BMP6: variants seen among roughly 807,000 people sequenced by gnomAD.
BMP6 encodes bone morphogenetic protein 6.
BMP6 carries 17 observed loss-of-function variants against 54.1 expected under a neutral mutation model. The observed-to-expected ratio is 0.31, with a 90% CI of 0.22 to 0.47. The LOEUF is 0.47. Among genes scored for constraint, BMP6 ranks in the 20% least tolerant of loss-of-function variants. The pLI, the probability that BMP6 is intolerant of heterozygous loss-of-function variation, is 1.00. For missense variants in BMP6, 720 were observed against 690.4 expected, an observed-to-expected ratio of 1.04 and a Z score of -0.48; for synonymous variants, 328 against 291.2, an observed-to-expected ratio of 1.13 and a Z score of -1.28.
intron 4 of BMP6, among the ~76,000 whole-genome samples, chr6:7,863,680 G>T (rs893433387): frequency 7.3e-4 from 111 of 152,180 alleles, no homozygotes; most frequent in African/African-American, 2.6e-3. Context: ...GCAAGAGAGA[G>T]AAACCAGCTC....
intron 1 of BMP6, among the ~76,000 whole-genome samples, chr6:7,772,020 C>G (rs1293348580): frequency 2.6e-5 from 4 of 151,028 alleles, no homozygotes; most frequent in African/African-American, 9.7e-5. Flanking sequence ...TGCGATTGCA[C>G]TCCAGCCTGG....
chr6:7,826,291 T>G (rs1581265108), intron 1 of BMP6, among the ~76,000 whole-genome samples: 1 of 152,206 alleles, frequency 6.6e-6, no homozygotes, highest in Non-Finnish European at 1.5e-5. Flanking sequence ...TCACGTTCAC[T>G]TTCTCCTGTT....
intron 1 of BMP6, among the ~76,000 whole-genome samples, chr6:7,777,121 G>T (rs1430248850): frequency 6.6e-6 from 1 of 152,202 alleles, no homozygotes; most frequent in Non-Finnish European, 1.5e-5. Context: ...GAGTTCATAT[G>T]CCATGATCTA....
At chr6:7,754,804 G>A (rs1757486837) in intron 1 of BMP6, among the ~76,000 whole-genome samples, 1 of 151,910 alleles carries the variant, frequency 6.6e-6, no homozygotes, top group Non-Finnish European at 1.5e-5. Flanking sequence ...TGCAAGCTCC[G>A]CCCCCCAGGT....
At chr6:7,810,124 T>A (rs1221103588) in intron 1 of BMP6, among the ~76,000 whole-genome samples, 1 of 152,128 alleles carries the variant, frequency 6.6e-6, no homozygotes, top group Non-Finnish European at 1.5e-5. Flanking sequence ...ATGGGGAAAA[T>A]TTTTTAAAGT....
intron 1 of BMP6, among the ~76,000 whole-genome samples, chr6:7,758,834 C>G (rs1757565144): frequency 6.6e-6 from 1 of 152,206 alleles, no homozygotes; most frequent in South Asian, 2.1e-4. Context: ...GAGGTGCAGC[C>G]ACTGTCCCCT....
At chr6:7,857,752 T>C (rs889199544) in intron 2 of BMP6, among the ~76,000 whole-genome samples, 4 of 152,190 alleles carry the variant, frequency 2.6e-5, no homozygotes, top group Non-Finnish European at 5.9e-5. Context: ...CATTAGTACA[T>C]GTGGGTCAGA....
chr6:7,758,161 C>A (rs745632120), intron 1 of BMP6, among the ~76,000 whole-genome samples: 1 of 152,174 alleles, frequency 6.6e-6, no homozygotes, highest in Non-Finnish European at 1.5e-5. Flanking sequence ...TTTCCGCAAA[C>A]GTTTTGCATA....
intron 1 of BMP6, among the ~76,000 whole-genome samples, chr6:7,770,897 C>T (rs1209057152): frequency 1.3e-5 from 2 of 152,218 alleles, no homozygotes; most frequent in African/African-American, 2.4e-5. Context: ...GAATCCATCT[C>T]TGTAGGTGGG....
At chr6:7,820,730 C>T (rs1430349454) in intron 1 of BMP6, among the ~76,000 whole-genome samples, 6 of 152,150 alleles carry the variant, frequency 3.9e-5, no homozygotes, top group East Asian at 1.9e-4. Context: ...TCCCCTAGCA[C>T]GTGTGTCTTA....
intron 1 of BMP6, among the ~76,000 whole-genome samples, chr6:7,844,496 G>A (rs567698504): frequency 1.3e-5 from 2 of 152,168 alleles, no homozygotes; most frequent in East Asian, 1.9e-4. Flanking sequence ...GCTCAGAGTC[G>A]TGGAGCCTTC....
At chr6:7,810,448 C>T (rs1430690401) in intron 1 of BMP6, among the ~76,000 whole-genome samples, 1 of 152,180 alleles carries the variant, frequency 6.6e-6, no homozygotes, top group Non-Finnish European at 1.5e-5. Flanking sequence ...ATCCCGGCAG[C>T]CATGGTCGGT....
chr6:7,879,939 AGTGT>A (rs1759686359), intron 5 of BMP6, 48 bp from the exon 6 acceptor site: 40 of 1,532,022 alleles, frequency 2.6e-5, no homozygotes, highest in Middle Eastern at 1.7e-4. Context: ...AAGCACAAAT[AGTGT>A]GAGAAGTGCA....
At chr6:7,859,441 T>TTCCCAC (rs1258190271) in intron 2 of BMP6, among the ~76,000 whole-genome samples, 1 of 152,068 alleles carries the variant, frequency 6.6e-6, no homozygotes, top group Non-Finnish European at 1.5e-5. Flanking sequence ...ACCCCCGAGA[T>TTCCCAC]TCCCACTGGG....
At chr6:7,808,799 A>G (rs1487760479) in intron 1 of BMP6, among the ~76,000 whole-genome samples, 1 of 151,496 alleles carries the variant, frequency 6.6e-6, no homozygotes, top group Admixed American at 6.6e-5. Context: ...TTGTGATCCT[A>G]GCTACTCAGG....
At chr6:7,817,648 C>T (rs9502652) in intron 1 of BMP6, among the ~76,000 whole-genome samples, 1 of 151,692 alleles carries the variant, frequency 6.6e-6, no homozygotes, top group South Asian at 2.1e-4. Flanking sequence ...GGGTGCAGCA[C>T]ACCAACATGG....
chr6:7,860,366 T>C (rs2113275146), intron 2 of BMP6, among the ~76,000 whole-genome samples: 1 of 152,328 alleles, frequency 6.6e-6, no homozygotes, highest in East Asian at 1.9e-4. Context: ...TTTGAGTCTT[T>C]CCATGGCCAA....
rs373022555 is a variant in BMP6 at position 7,845,327 on chromosome 6, G to C, written c.852G>C (p.Gln284His). The C allele has an allele frequency of 3.7e-6, 6 of 1,613,502 alleles. No homozygotes were observed. In the African/African-American group the frequency reaches 6.7e-5, roughly 18 times the overall value. ...TTTATCAAGTCTTACAGGAGCATCA[G>C]CACAGGTATGAAGGCTCGAGAAAGC... is the stretch of plus-strand genomic sequence containing the variant. ...ISIYQVLQEH[Q>H]HRDSDLFLLD... Residue 284 changes from glutamine to histidine, a missense_variant, in exon 2 of 7, where the codon CAG becomes CAC. Physicochemically the swap from Gln to His is conservative, Grantham distance 24. Transcript: ENST00000283147.
At position 7,739,874 on chromosome 6, in the gene BMP6, T is replaced by G. The variant is rs143948514; in HGVS notation, c.664+12255T>G. ...GATGCTTTTTTCCCTACTGGGCTAT[T>G]TTTTAGCGCTTCTAAAAAATCCTCT... On this transcript the variant is annotated intron_variant, in intron 1 of 6. Coordinates refer to ENST00000283147, the MANE Select transcript of BMP6 (RefSeq NM_001718.6). Among the ~76,000 whole-genome samples the G allele has an allele frequency of 6.8e-3, 1,030 of 152,312 alleles. 10 individuals are homozygous for G. Among genetic ancestry groups the G allele is most frequent in the African/African-American group, 0.024 (978 of 41,558 alleles).
Sources: gnomAD v4.1 joint callset for allele counts (sites outside exome capture counted in the v4.1 genomes callset) on GRCh38, gnomAD v4.1.1 for gene constraint, MANE v1.5 for transcripts, NCBI Gene and HGNC (gene_info 2026-07-23, HGNC 2026-07-21) for gene names.